LZIC: variants seen among roughly 807,000 people sequenced by gnomAD.
The protein encoded by LZIC is leucine zipper and CTNNBIP1 domain containing, also known as protein LZIC.
Under a neutral mutation model 25.4 loss-of-function variants are expected in LZIC, and 28 were observed. The ratio of observed to expected loss-of-function variants is 1.10; its 90% CI spans 0.82 to 1.51. LZIC has a LOEUF of 1.51. Among genes scored for constraint, LZIC ranks in the 40% most tolerant of loss-of-function variants. The pLI is 0.00. For missense variants in LZIC, 170 were observed against 211.1 expected, an observed-to-expected ratio of 0.81 and a Z score of 1.21; for synonymous variants, 65 against 70.7, an observed-to-expected ratio of 0.92 and a Z score of 0.40.
downstream of LZIC, among the ~76,000 whole-genome samples, chr1:9,924,663 T>G (rs937812048): frequency 1.4e-4 from 21 of 152,272 alleles, no homozygotes; most frequent in African/African-American, 5.1e-4. Context: ...CTAATTTTTG[T>G]GTTTTTTTGT....
At chr1:9,935,909 C>G (rs1011834724) in intron 3 of LZIC, among the ~76,000 whole-genome samples, 1 of 152,114 alleles carries the variant, frequency 6.6e-6, no homozygotes, top group African/African-American at 2.4e-5. Flanking sequence ...ATGGGCAGAT[C>G]ACCTGAGGTC....
chr1:9,935,947 T>C (rs1278004114), intron 3 of LZIC, among the ~76,000 whole-genome samples: 1 of 152,030 alleles, frequency 6.6e-6, no homozygotes, highest in African/African-American at 2.4e-5. Flanking sequence ...CTAGCCAACA[T>C]GGTAAAACCC....
chr1:9,929,890 A>C lies in LZIC; in HGVS notation c.*509T>G. On this transcript the variant is annotated 3_prime_UTR_variant, in exon 8 of 8. Coordinates refer to ENST00000377223, the MANE Select transcript of LZIC (RefSeq NM_032368.5). ...AGCTCTCTGATGCGACTTTAAGCAA[A>C]GTCGCTTGCTCTTTCTGGACCTCAG... 1.0e-6 allele frequency: 1 copy of C among 957,794 alleles called. No individual in the cohort carries two copies. Among genetic ancestry groups the C allele is most frequent in the Non-Finnish European group, 1.2e-6 (1 of 804,828 alleles). 59.3% of individuals were successfully genotyped at this position (957,794 alleles called of 1,614,324 possible).
chr1:9,922,303 A>C (rs956503063), downstream of LZIC: 4 of 985,146 alleles, frequency 4.1e-6, no homozygotes, highest in African/African-American at 7.0e-5. Flanking sequence ...TGGGGACATC[A>C]ATATTTTTGC....
chr1:9,933,009 TGGGCGGATCACGAGGC>T (rs879212823), intron 5 of LZIC, 111 bp from the exon 6 acceptor site: 23 of 684,366 alleles, frequency 3.4e-5, no homozygotes, highest in African/African-American at 2.2e-4. Flanking sequence ...CTCAACACTT[TGGGCGGATCACGAGGC>T]GGGCGGATCA....
At chr1:9,925,788 C>A (rs1469651415), downstream of LZIC, among the ~76,000 whole-genome samples, 1 of 151,310 alleles carries the variant, frequency 6.6e-6, no homozygotes, top group East Asian at 1.9e-4. Flanking sequence ...CAGGGTTTCA[C>A]CATATTGGCC....
Position 9,926,525 on chromosome 1 carries a change from T to C in LZIC, c.*3874A>G, listed in dbSNP as rs890221024. ...TCTTCCTGGGAACAATTCCTCATTC[T>C]GTTACTTGATTTCTTCCTTTACCAC... On this transcript the variant is annotated 3_prime_UTR_variant, in exon 8 of 8. Transcript: ENST00000377223. Among the ~76,000 whole-genome samples, 5 of 152,236 alleles carry C rather than the reference T, an allele frequency of 3.3e-5. No homozygotes were observed. The highest frequency in any genetic ancestry group is 1.2e-4 in the African/African-American group (5 of 41,466).
At chr1:9,922,505 GAGGGCCTCTCCT>G (rs577951836), downstream of LZIC, 5 of 179,714 alleles carry the variant, frequency 2.8e-5, no homozygotes, top group African/African-American at 9.5e-5. Flanking sequence ...CGAACCTATT[GAGGGCCTCTCCT>G]AGGAGATAAA....
chr1:9,936,208 G>A (rs140548614), intron 3 of LZIC, among the ~76,000 whole-genome samples: 15 of 151,786 alleles, frequency 9.9e-5, no homozygotes, highest in Non-Finnish European at 2.2e-4. Flanking sequence ...AGAAGTTCAA[G>A]TAGTACCTTC....
downstream of LZIC, among the ~76,000 whole-genome samples, chr1:9,923,788 T>C (rs1477889776): frequency 6.6e-6 from 1 of 152,160 alleles, no homozygotes; most frequent in Non-Finnish European, 1.5e-5. Context: ...AGTCTTGCTC[T>C]GTCACCCAGG....
chr1:9,932,215 C>G, intron 6 of LZIC: 1 of 365,166 alleles, frequency 2.7e-6, no homozygotes, highest in Non-Finnish European at 5.1e-6. Context: ...CGTGGTGGTG[C>G]ACGCCTGTAA....
intron 2 of LZIC, among the ~76,000 whole-genome samples, chr1:9,937,349 C>T (rs541593191): frequency 1.4e-4 from 21 of 151,172 alleles, no homozygotes; most frequent in Non-Finnish European, 2.5e-4. Context: ...GCCGAGATCA[C>T]GCCACTGCAC....
At position 9,935,558 on chromosome 1, in the gene LZIC, A is replaced by G; in HGVS notation, c.171T>C (p.Asn57=). The part of the protein sequence containing the change: ...KETLEQLSEF[N]DSLKKIMSGN... ...CAGACATAATTTTCTTTAGTGAATCATTAAATTCACTTAGTTGCTCCAGAG... is the reference window on the plus strand; with the variant it reads ...CAGACATAATTTTCTTTAGTGAATCGTTAAATTCACTTAGTTGCTCCAGAG... The change falls in exon 4 of 8, where the codon AAT becomes AAC. Residue 57 remains asparagine, a synonymous_variant. Transcript: ENST00000377223. The G allele has an allele frequency of 6.2e-7, 1 of 1,610,228 alleles. No individual in the cohort carries two copies. Among genetic ancestry groups the G allele is most frequent in the Non-Finnish European group, 8.5e-7 (1 of 1,177,382 alleles).
downstream of LZIC, among the ~76,000 whole-genome samples, chr1:9,923,999 A>C (rs1003354358): frequency 6.6e-6 from 1 of 151,734 alleles, no homozygotes; most frequent in African/African-American, 2.4e-5. Context: ...TGATCCACCC[A>C]CCTCAGCCTC....
chr1:9,934,423 T>C (rs1182108184), intron 5 of LZIC, among the ~76,000 whole-genome samples: 2 of 152,178 alleles, frequency 1.3e-5, no homozygotes, highest in African/African-American at 4.8e-5. Context: ...TTTACAAAGA[T>C]ACTTGAAATT....
At chr1:9,938,519 T>C (rs1200421874) in intron 2 of LZIC, among the ~76,000 whole-genome samples, 3 of 152,148 alleles carry the variant, frequency 2.0e-5, no homozygotes, top group Non-Finnish European at 4.4e-5. Flanking sequence ...TTCTGCTGGG[T>C]TATCTTTCTC....
At chr1:9,939,290 G>A (rs1640589690) in intron 2 of LZIC, among the ~76,000 whole-genome samples, 1 of 151,438 alleles carries the variant, frequency 6.6e-6, no homozygotes, top group Admixed American at 6.6e-5. Flanking sequence ...TTGAACTCCT[G>A]ACCTCAAATG....
chr1:9,925,793 T>C (rs575775569), downstream of LZIC, among the ~76,000 whole-genome samples: 137 of 151,658 alleles, frequency 9.0e-4, 1 homozygote, highest in African/African-American at 3.1e-3. Context: ...TTTCACCATA[T>C]TGGCCAGGCT....
downstream of LZIC, among the ~76,000 whole-genome samples, chr1:9,923,518 C>CTTTTTTTTTT (rs60858066): frequency 1.5e-3 from 114 of 74,164 alleles, 1 homozygote; most frequent in Non-Finnish European, 2.6e-3. Flanking sequence ...CCCAATGCTT[C>CTTTTTTTTTT]TTTTTTTTTT....
Sources: allele counts gnomAD v4.1 joint callset (sites outside exome capture counted in the v4.1 genomes callset), GRCh38; gene constraint gnomAD v4.1.1; transcripts MANE v1.5; gene names NCBI Gene and HGNC (gene_info 2026-07-23, HGNC 2026-07-21).